Variants in BICRAL observed in about 807,000 individuals in gnomAD.
BICRAL encodes BRD4-interacting chromatin-remodeling complex-associated protein-like.
Under a neutral mutation model 91.8 loss-of-function variants are expected in BICRAL, and 8 were observed. The observed-to-expected ratio is 0.09, with a 90% CI of 0.05 to 0.16. The LOEUF (loss-of-function observed/expected upper bound fraction) is 0.16. Ranked by LOEUF, BICRAL falls within the 10% of genes least tolerant of loss-of-function variation. BICRAL has a pLI of 1.00. For synonymous variants in BICRAL, 445 were observed against 491.1 expected (o/e 0.91, Z 1.24); for missense variants, 1,038 against 1,310.9 (o/e 0.79, Z 3.21).
At position 42,866,605 on chromosome 6, in the gene BICRAL, C is replaced by T. The variant is rs980861555; in HGVS notation, c.*1159C>T. The T allele has an allele frequency of 1.5e-5, 5 of 332,780 alleles. No individual in the cohort carries two copies. Among genetic ancestry groups the T allele is most frequent in the Admixed American group, 3.9e-5 (1 of 25,542 alleles). The allele number at this position is 332,780 out of a possible 1,614,324, so 20.6% of individuals were successfully genotyped here. On this transcript the variant is annotated 3_prime_UTR_variant, in exon 13 of 13. Transcript: ENST00000314073. ...CCCTGGCAGCAATTCATTACCAAAA[C>T]ACAGACAAACCAAAGGTAACCAGCT...
intron 1 of BICRAL, among the ~76,000 whole-genome samples, chr6:42,764,297 C>G (rs960175711): frequency 6.6e-6 from 1 of 151,508 alleles, no homozygotes; most frequent in African/African-American, 2.4e-5. Context: ...CCTGTAATCC[C>G]AGCACTTTGG....
rs575805373 is a variant in BICRAL, at chr6:42,836,711, T to C, written c.1839+6539T>C. Among the ~76,000 whole-genome samples, 32 of 143,636 alleles carry C rather than the reference T, an allele frequency of 2.2e-4. No individual in the cohort carries two copies. In the South Asian group the frequency reaches 7.0e-3, roughly 32 times the overall value. 94.2% of individuals were successfully genotyped at this position (143,636 alleles called of 152,430 possible). A position where few individuals can be genotyped will look rare whatever the true frequency, so the allele number is the denominator to read the frequency against. ...ATCTCAGCTCACTGCAACCTCCGCC[T>C]CCTGGGTTCAAGCAATTATCTTGCC... On this transcript the variant is annotated intron_variant, in intron 6 of 12. Coordinates refer to ENST00000314073, the MANE Select transcript of BICRAL (RefSeq NM_001393499.1).
chr6:42,833,422 C>T (rs1344169499), intron 6 of BICRAL, among the ~76,000 whole-genome samples: 4 of 151,950 alleles, frequency 2.6e-5, no homozygotes, highest in Non-Finnish European at 4.4e-5. Flanking sequence ...GCTCATGCCC[C>T]GGCATGCAGC....
At chr6:42,800,904 A>C (rs1419991687) in intron 1 of BICRAL, among the ~76,000 whole-genome samples, 1 of 139,710 alleles carries the variant, frequency 7.2e-6, no homozygotes, top group Non-Finnish European at 1.5e-5. Flanking sequence ...GAGAGCAAAG[A>C]GTCAAGAGTT....
intron 1 of BICRAL, among the ~76,000 whole-genome samples, chr6:42,801,516 A>G (rs1252962854): frequency 2.0e-5 from 3 of 152,168 alleles, no homozygotes; most frequent in Non-Finnish European, 4.4e-5. Context: ...GGCATTGTAC[A>G]AAAATGTCCA....
intron 1 of BICRAL, among the ~76,000 whole-genome samples, chr6:42,753,499 CAT>C (rs1454832623): frequency 6.6e-6 from 1 of 152,104 alleles, no homozygotes; most frequent in Non-Finnish European, 1.5e-5. Flanking sequence ...AGAGAGAAGA[CAT>C]AAAGCACGTA....
intron 1 of BICRAL, among the ~76,000 whole-genome samples, chr6:42,791,727 G>A (rs535655122): frequency 1.3e-5 from 2 of 152,234 alleles, no homozygotes; most frequent in Non-Finnish European, 2.9e-5. Context: ...GCCTCCCAAA[G>A]TGCTAGGACT....
intron 1 of BICRAL, among the ~76,000 whole-genome samples, chr6:42,765,609 G>A (rs1762619690): frequency 6.6e-6 from 1 of 152,190 alleles, no homozygotes; most frequent in Admixed American, 6.5e-5. Flanking sequence ...GAAGTGAAAG[G>A]TGAAGCTTGA....
chr6:42,866,918 C>T lies in BICRAL; in HGVS notation c.*1472C>T. ...GATAGTATTTTTATGCACTCTTCTC[C>T]CACACATACACACACGTGCATGTAT... On this transcript the variant is annotated 3_prime_UTR_variant, in exon 13 of 13. Coordinates refer to ENST00000314073, the MANE Select transcript of BICRAL (RefSeq NM_001393499.1). The T allele has an allele frequency of 4.4e-6, 2 of 455,644 alleles. No individual in the cohort carries two copies. Among genetic ancestry groups the T allele is most frequent in the South Asian group, 3.1e-5 (2 of 64,514 alleles). 28.2% of individuals were successfully genotyped at this position (455,644 alleles called of 1,614,324 possible).
At chr6:42,786,190 A>C (rs1032529000) in intron 1 of BICRAL, among the ~76,000 whole-genome samples, 7 of 152,212 alleles carry the variant, frequency 4.6e-5, no homozygotes, top group African/African-American at 1.7e-4. Flanking sequence ...ATTCTTCTCA[A>C]ATCGTTGTGT....
chr6:42,824,242 A>T (rs921722687), intron 5 of BICRAL, among the ~76,000 whole-genome samples: 3 of 131,186 alleles, frequency 2.3e-5, no homozygotes, highest in Non-Finnish European at 5.1e-5. Context: ...AAAAATAAAA[A>T]AAATAAAAAT....
intron 1 of BICRAL, among the ~76,000 whole-genome samples, chr6:42,789,891 A>G (rs984754782): frequency 2.6e-5 from 4 of 152,224 alleles, no homozygotes; most frequent in Non-Finnish European, 4.4e-5. Context: ...CCTTTAGCAC[A>G]GCATTCAAAA....
intron 11 of BICRAL, 124 bp downstream of exon 11, chr6:42,860,480 G>A: frequency 1.7e-6 from 1 of 601,500 alleles, no homozygotes; most frequent in Non-Finnish European, 2.9e-6. Context: ...TCACACTGTA[G>A]AAAAACTTAC....
At chr6:42,827,027 C>T (rs563223946) in intron 5 of BICRAL, among the ~76,000 whole-genome samples, 195 of 152,262 alleles carry the variant, frequency 1.3e-3, no homozygotes, top group Non-Finnish European at 2.1e-3. Flanking sequence ...CTCAGGTGAT[C>T]CGCCCGCCTC....
chr6:42,833,718 G>A (rs549913110), intron 6 of BICRAL, among the ~76,000 whole-genome samples: 1 of 151,436 alleles, frequency 6.6e-6, no homozygotes, highest in African/African-American at 2.4e-5. Flanking sequence ...AATTTGTTTT[G>A]GTTTTTATGG....
intron 1 of BICRAL, among the ~76,000 whole-genome samples, chr6:42,757,931 G>A (rs1762486491): frequency 6.6e-6 from 1 of 152,198 alleles, no homozygotes; most frequent in African/African-American, 2.4e-5. Context: ...AATGGAGGCA[G>A]TCTGGCTCCT....
chr6:42,796,149 T>C (rs1366415824), intron 1 of BICRAL, among the ~76,000 whole-genome samples: 1 of 152,232 alleles, frequency 6.6e-6, no homozygotes, highest in Non-Finnish European at 1.5e-5. Flanking sequence ...ACCAAAGCCC[T>C]GTTCTCTTGG....
intron 1 of BICRAL, among the ~76,000 whole-genome samples, chr6:42,764,300 C>T (rs866669815): frequency 6.5e-4 from 98 of 151,388 alleles, no homozygotes; most frequent in Middle Eastern, 7.0e-3. Flanking sequence ...GTAATCCCAG[C>T]ACTTTGGGAG....
chr6:42,798,229 A>G (rs936984795), intron 1 of BICRAL, among the ~76,000 whole-genome samples: 11 of 152,096 alleles, frequency 7.2e-5, no homozygotes, highest in African/African-American at 1.7e-4. Flanking sequence ...AAAATTACCT[A>G]TTGGGTACAG....
Sources: gnomAD v4.1 joint callset for allele counts (sites outside exome capture counted in the v4.1 genomes callset) on GRCh38, gnomAD v4.1.1 for gene constraint, MANE v1.5 for transcripts, NCBI Gene and HGNC (gene_info 2026-07-23, HGNC 2026-07-21) for gene names.